Variants in RGL1 observed in about 807,000 individuals in gnomAD.
RGL1 encodes the protein ral guanine nucleotide dissociation stimulator-like 1.
In RGL1, 24 loss-of-function variants were observed where a neutral mutation model predicts 95.2. The ratio of observed to expected loss-of-function variants is 0.25; its 90% CI spans 0.18 to 0.35. The LOEUF is 0.35. Among genes scored for constraint, RGL1 ranks in the 10% least tolerant of loss-of-function variants. The probability of loss-of-function intolerance (pLI) is 1.00; values close to 1 mark genes in which losing one functional copy is unlikely to be tolerated. For missense variants in RGL1, 715 were observed against 936.3 expected (o/e 0.76, Z 3.08); for synonymous variants, 329 against 344.9 (o/e 0.95, Z 0.51).
intron 1 of RGL1, among the ~76,000 whole-genome samples, chr1:183,725,845 A>G (rs1257564269): frequency 1.3e-5 from 2 of 152,212 alleles, no homozygotes; most frequent in Non-Finnish European, 2.9e-5. Flanking sequence ...GTCACTTAAC[A>G]AATGCAAAAT....
intron 2 of RGL1, among the ~76,000 whole-genome samples, chr1:183,744,295 G>A (rs1242654534): frequency 2.7e-5 from 4 of 149,278 alleles, no homozygotes; most frequent in African/African-American, 9.8e-5. Flanking sequence ...TCTCTATAGG[G>A]ATATACTTGC....
chr1:183,867,296 G>A (rs1665896823), intron 4 of RGL1, among the ~76,000 whole-genome samples: 2 of 152,152 alleles, frequency 1.3e-5, no homozygotes, highest in South Asian at 2.1e-4. Flanking sequence ...GAAGTAGAGC[G>A]TCTGGCAGAG....
intron 1 of RGL1, among the ~76,000 whole-genome samples, chr1:183,679,668 A>G (rs1188492025): frequency 6.6e-6 from 1 of 152,160 alleles, no homozygotes; most frequent in African/African-American, 2.4e-5. Flanking sequence ...CAGTGCTGCA[A>G]TAAACATATG....
intron 1 of RGL1, among the ~76,000 whole-genome samples, chr1:183,668,408 G>A (rs1213421049): frequency 2.0e-5 from 3 of 151,878 alleles, no homozygotes; most frequent in Non-Finnish European, 4.4e-5. Context: ...GAGAAATCAT[G>A]TGTAATTTTT....
At chr1:183,711,803 G>A (rs969938521) in intron 1 of RGL1, among the ~76,000 whole-genome samples, 32 of 151,838 alleles carry the variant, frequency 2.1e-4, no homozygotes, top group African/African-American at 7.7e-4. Flanking sequence ...GTGGGGGCGG[G>A]CGGAGAAGAA....
In RGL1 at chr1:183,868,837, C is replaced by T. The variant is rs117321686; in HGVS notation, c.425+2764C>T. Among the ~76,000 whole-genome samples the T allele has an allele frequency of 7.7e-4, 117 of 152,262 alleles. 2 individuals carry two copies. In the East Asian group the frequency reaches 0.022, roughly 29 times the overall value. On this transcript the variant is annotated intron_variant, in intron 4 of 17. Transcript: ENST00000360851. The stretch of plus-strand genomic sequence containing the variant: ...ACAATCAAAAATATCCAGAGCTGGC[C>T]GGGCGTGGTGGCTCATGCCTGTAAT...
At chr1:183,713,880 A>G (rs1340720679) in intron 1 of RGL1, among the ~76,000 whole-genome samples, 1 of 152,222 alleles carries the variant, frequency 6.6e-6, no homozygotes, top group Non-Finnish European at 1.5e-5. Context: ...GGCCCTAGAT[A>G]TGACCTGACA....
intron 3 of RGL1, among the ~76,000 whole-genome samples, chr1:183,852,802 C>CA (rs947408934): frequency 1.4e-5 from 2 of 147,014 alleles, no homozygotes; most frequent in African/African-American, 2.6e-5. Context: ...GACTTGGTCT[C>CA]AAAAAAAATC....
At chr1:183,773,015 CAAAAAAAAAAAAAAAAA>C (rs60100787) in intron 2 of RGL1, among the ~76,000 whole-genome samples, 7 of 72,408 alleles carry the variant, frequency 9.7e-5, no homozygotes, top group Admixed American at 5.2e-4. Context: ...GACTCCGTCT[CAAAAAAAAAAAAAAAAA>C]AAAAAAAAAA....
Position 183,647,751 on chromosome 1 carries a change from A to G in RGL1, c.-33+11250A>G, listed in dbSNP as rs375027609. The G allele has an allele frequency of 3.7e-6, 6 of 1,613,958 alleles. No individual in the cohort carries two copies. In the African/African-American group the frequency reaches 4.0e-5, roughly 11 times the overall value. Reference sequence around the variant, plus strand: ...TGCAAACTGTTCTGTGATTTCCACTATCTCCACTGACCTTCCAGTGGGAAG... The same window carrying G: ...TGCAAACTGTTCTGTGATTTCCACTGTCTCCACTGACCTTCCAGTGGGAAG... On this transcript the variant is annotated intron_variant, in intron 1 of 18. Transcript: ENST00000304685.
At chr1:183,711,151 T>C (rs966943750) in intron 1 of RGL1, among the ~76,000 whole-genome samples, 1 of 152,132 alleles carries the variant, frequency 6.6e-6, no homozygotes, top group Non-Finnish European at 1.5e-5. Context: ...TGGGTTACCC[T>C]TTGCAGTGTG....
At chr1:183,741,148 G>C (rs1409255460) in intron 1 of RGL1, among the ~76,000 whole-genome samples, 2 of 152,204 alleles carry the variant, frequency 1.3e-5, no homozygotes, top group Non-Finnish European at 2.9e-5. Flanking sequence ...CATGAGGTGG[G>C]AGAAGGGAGG....
chr1:183,825,129 G>T (rs12124394), intron 2 of RGL1, among the ~76,000 whole-genome samples: 52,610 of 152,010 alleles, frequency 0.35, 9,391 homozygotes, highest in Middle Eastern at 0.47. Context: ...GGTATCATTA[G>T]TAGAAACAGG....
intron 1 of RGL1, among the ~76,000 whole-genome samples, chr1:183,684,463 C>A (rs577395462): frequency 1.4e-3 from 212 of 152,270 alleles, no homozygotes; most frequent in Admixed American, 2.4e-3. Flanking sequence ...CGTCCCAGGT[C>A]GACTCCAGAC....
At chr1:183,801,540 C>A (rs1660993402), upstream of RGL1, among the ~76,000 whole-genome samples, 1 of 152,038 alleles carries the variant, frequency 6.6e-6, no homozygotes, top group South Asian at 2.1e-4. Context: ...CTTGCCTGTG[C>A]TTTTGGTGTG....
At chr1:183,655,589 T>C (rs1206832355) in intron 1 of RGL1, among the ~76,000 whole-genome samples, 2 of 152,164 alleles carry the variant, frequency 1.3e-5, no homozygotes, top group African/African-American at 4.8e-5. Context: ...AGAAAAGCAC[T>C]GGAGTTGAGA....
At chr1:183,918,266 AG>A (rs1216438056) in intron 16 of RGL1, among the ~76,000 whole-genome samples, 2 of 152,262 alleles carry the variant, frequency 1.3e-5, no homozygotes, top group South Asian at 4.2e-4. Context: ...CAAACCCCAC[AG>A]GGGGGACGTG....
chr1:183,806,266 A>C, intron 1 of RGL1, 109 bp from the exon 2 acceptor site: 1 of 725,982 alleles, frequency 1.4e-6, no homozygotes, highest in Non-Finnish European at 2.4e-6. Context: ...TGAACAGCCC[A>C]TCTTGTGCCC....
At chr1:183,903,663 C>T (rs1668155699) in intron 12 of RGL1, among the ~76,000 whole-genome samples, 1 of 152,144 alleles carries the variant, frequency 6.6e-6, no homozygotes, top group Admixed American at 6.5e-5. Context: ...AGTTATAATA[C>T]AACCTGAAAA....
Sources: allele counts gnomAD v4.1 joint callset (sites outside exome capture counted in the v4.1 genomes callset), GRCh38; gene constraint gnomAD v4.1.1; transcripts MANE v1.5; gene names NCBI Gene and HGNC (gene_info 2026-07-23, HGNC 2026-07-21).